SSR4: variants seen among roughly 807,000 people sequenced by gnomAD.
SSR4 encodes the protein signal sequence receptor subunit 4, also known as translocon-associated protein subunit delta.
For synonymous variants in SSR4, 84 were observed against 65.6 expected (o/e 1.28, Z -1.35); for missense variants, 125 against 148.8 (o/e 0.84, Z 0.83).
upstream of SSR4, chrX:153,794,251 A>G: frequency 8.4e-7 from 1 of 1,193,685 alleles, no homozygotes; most frequent in Non-Finnish European, 1.1e-6. Flanking sequence ...CTCACCTCCC[A>G]GGGACGGCAG....
At position 153,798,435 on chromosome X, in the gene SSR4, G is replaced by T. The variant is rs782712982; in HGVS notation, c.*2G>T. 6.8e-6 allele frequency: 8 copies of T among 1,176,946 alleles called. No individual in the cohort carries two copies. The Middle Eastern group carries it at 9.3e-4, about 136-fold the overall frequency. On this transcript the variant is annotated 3_prime_UTR_variant, in exon 6 of 6. Transcript: ENST00000370086. ...GCGAAGAGCCACATCCAGGCCTGAGGGCGGCACCCCAGCCCTGCCCTTGCT... is the reference window on the plus strand; with the variant it reads ...GCGAAGAGCCACATCCAGGCCTGAGTGCGGCACCCCAGCCCTGCCCTTGCT...
chrX:153,797,864 T>C, intron 4 of SSR4, 50 bp downstream of exon 4: 2 of 1,053,772 alleles, frequency 1.9e-6, no homozygotes, highest in South Asian at 2.1e-5. Flanking sequence ...GGGAGCAGGA[T>C]GGGCTGGGTT....
intron 1 of SSR4, chrX:153,796,139 G>C (rs2092139525): frequency 2.2e-5 from 7 of 311,175 alleles, no homozygotes; most frequent in Non-Finnish European, 3.4e-5. Flanking sequence ...CCAAGTGTTG[G>C]CATGTATTGT....
chrX:153,797,108 CACCCCTTGGGCA>C, intron 2 of SSR4: 1 of 255,538 alleles, frequency 3.9e-6, no homozygotes, highest in African/African-American at 2.7e-5. Context: ...TAGGGTAAAG[CACCCCTTGGGCA>C]GCCCACTGGG....
At chrX:153,797,575 C>T (rs782065314) in intron 3 of SSR4, 43 bp downstream of exon 3, 118 of 1,166,771 alleles carry the variant, frequency 1.0e-4, no homozygotes, top group Non-Finnish European at 1.3e-4. Context: ...TCCCTGCTCC[C>T]GGGTGTGACC....
intron 4 of SSR4, 40 bp from the exon 5 acceptor site, chrX:153,798,028 AGGC>A: frequency 4.2e-6 from 1 of 237,167 alleles, no homozygotes; most frequent in Non-Finnish European, 7.0e-6. Context: ...CCCACACGCC[AGGC>A]ACCCCTGACC....
chrX:153,794,895 G>A lies in SSR4; in HGVS notation c.67+141G>A, dbSNP rs1437643816. 1.3e-5 allele frequency: 9 copies of A among 693,082 alleles called. No homozygotes were observed. In the East Asian group the frequency reaches 3.2e-4, roughly 25 times the overall value. The allele number at this position is 693,082 out of a possible 1,213,427, so 57.1% of individuals were successfully genotyped here. ...CTTCCCCCGAGAGGCAGGCGGCCTTGGGACGGGGGGACCAAAGCACCTCGC... is the reference window on the plus strand; with the variant it reads ...CTTCCCCCGAGAGGCAGGCGGCCTTAGGACGGGGGGACCAAAGCACCTCGC... On this transcript the variant is annotated intron_variant, in intron 1 of 5. Transcript: ENST00000370086.
At position 153,794,766 on chromosome X, in the gene SSR4, G is replaced by C. The variant is rs782307452; in HGVS notation, c.67+12G>C. On this transcript the variant is annotated intron_variant, in intron 1 of 5. Coordinates refer to ENST00000370086, the MANE Select transcript of SSR4 (RefSeq NM_006280.3). ...CTCCCGCTGCTCAGGTAGCGGCCCA[G>C]CCGGGGCTTCTTTCTTGCGAGCCTC... 1 of 1,207,387 alleles carries C rather than the reference G, an allele frequency of 8.3e-7. No homozygotes were observed. The highest frequency in any genetic ancestry group is 3.0e-5 in the East Asian group (1 of 33,690).
chrX:153,798,205 C>T (rs1050032662), intron 5 of SSR4, 69 bp downstream of exon 5: 2 of 1,181,386 alleles, frequency 1.7e-6, no homozygotes, highest in East Asian at 3.0e-5. Flanking sequence ...CTCCACAGCC[C>T]CAGCTCTGCT....
intron 1 of SSR4, chrX:153,795,512 A>G (rs1420834998): frequency 5.0e-6 from 1 of 199,470 alleles, no homozygotes; most frequent in African/African-American, 3.1e-5. Flanking sequence ...GAATTCCCTG[A>G]ACTATAGTCA....
At chrX:153,798,003 C>CCCACCCCA in intron 4 of SSR4, 68 bp from the exon 5 acceptor site, 1 of 688,159 alleles carries the variant, frequency 1.5e-6, no homozygotes, top group Non-Finnish European at 2.3e-6. Flanking sequence ...CTGTCTTTCC[C>CCCACCCCA]CTCCCCTCCC....
At chrX:153,798,000 T>TCCCCCACCCC in intron 4 of SSR4, 71 bp from the exon 5 acceptor site, 1 of 704,005 alleles carries the variant, frequency 1.4e-6, no homozygotes, top group Non-Finnish European at 2.3e-6. Flanking sequence ...TACCTGTCTT[T>TCCCCCACCCC]CCCCTCCCCT....
At chrX:153,797,285 A>G in intron 2 of SSR4, 173 bp from the exon 3 acceptor site, 1 of 464,789 alleles carries the variant, frequency 2.2e-6, no homozygotes, top group East Asian at 3.7e-5. Flanking sequence ...AGACCAATGC[A>G]GAGGGCCAGT....
chrX:153,798,000 T>TGCCCA, intron 4 of SSR4, 71 bp from the exon 5 acceptor site: 2 of 703,999 alleles, frequency 2.8e-6, no homozygotes, highest in Non-Finnish European at 4.5e-6. Flanking sequence ...TACCTGTCTT[T>TGCCCA]CCCCTCCCCT....
At chrX:153,795,528 G>A (rs1481999405) in intron 1 of SSR4, 6 of 232,821 alleles carry the variant, frequency 2.6e-5, no homozygotes, top group Non-Finnish European at 3.7e-5. Flanking sequence ...AGTCAGGGAC[G>A]TATCCAGAGG....
intron 2 of SSR4, 29 bp from the exon 3 acceptor site, chrX:153,797,429 G>A: frequency 1.7e-6 from 2 of 1,189,076 alleles, no homozygotes; most frequent in Non-Finnish European, 2.3e-6. Flanking sequence ...GGGGGCAGAA[G>A]GTGACCCTGC....
At chrX:153,794,489 C>T, upstream of SSR4, 3 of 1,153,597 alleles carry the variant, frequency 2.6e-6, no homozygotes, top group South Asian at 5.8e-5. Flanking sequence ...CCGCTGCCGC[C>T]ATGTTGAGGG....
At chrX:153,794,229 G>A (rs2092123282), upstream of SSR4, 1 of 1,176,829 alleles carries the variant, frequency 8.5e-7, no homozygotes, top group Non-Finnish European at 1.1e-6. Context: ...CGGTCCCGTG[G>A]CTCTTTCCCT....
intron 2 of SSR4, chrX:153,797,188 C>T: frequency 5.3e-6 from 2 of 377,654 alleles, no homozygotes; most frequent in Non-Finnish European, 4.7e-6. Context: ...CCCTTTTGAT[C>T]ATCCCGCCCC....
Sources: allele counts gnomAD v4.1 joint callset, GRCh38; gene constraint gnomAD v4.1.1; transcripts MANE v1.5; gene names NCBI Gene and HGNC (gene_info 2026-07-23, HGNC 2026-07-21).